Variants in VWA3B observed in about 807,000 individuals in gnomAD.
VWA3B encodes von Willebrand factor A domain-containing protein 3B.
In VWA3B, 138 loss-of-function variants were observed where a neutral mutation model predicts 158.3. The ratio of observed to expected loss-of-function variants is 0.87; its 90% CI spans 0.76 to 1.00. The LOEUF (loss-of-function observed/expected upper bound fraction) is 1.00. VWA3B is among the 50% of genes least tolerant of loss of function. The probability of loss-of-function intolerance (pLI) is 0.00; values close to 1 mark genes in which losing one functional copy is unlikely to be tolerated. For missense variants in VWA3B, 1,555 were observed against 1,565.1 expected (o/e 0.99, Z 0.11); for synonymous variants, 596 against 587.3 (o/e 1.01, Z -0.21).
rs544207961 is a variant in VWA3B at position 98,300,203 on chromosome 2, G to T, written c.3407G>T (p.Cys1136Phe). The T allele has an allele frequency of 2.5e-6, 4 of 1,614,168 alleles. No homozygotes were observed. Among genetic ancestry groups the T allele is most frequent in the African/African-American group, 2.7e-5 (2 of 75,054 alleles). ...GAAAAATTCTACACAGTTTTGAAGTGTAACAACCGGAGAGTAAGTAGATTT... is the reference window on the plus strand; with the variant it reads ...GAAAAATTCTACACAGTTTTGAAGTTTAACAACCGGAGAGTAAGTAGATTT... Reference protein sequence around the residue: ...ATEKFYTVLKCNNRREFCPRS... With the variant: ...ATEKFYTVLKFNNRREFCPRS... The change falls in exon 25 of 28, where the codon TGT becomes TTT. Residue 1136 changes from cysteine (C) to phenylalanine (F), a missense_variant. Cys to Phe is a radical substitution (Grantham distance 205). Transcript: ENST00000477737.
chr2:98,121,371 C>T lies in VWA3B; in HGVS notation c.615C>T (p.Ile205=), dbSNP rs1490175624. Residue 205 remains isoleucine (I), a synonymous_variant, in exon 5 of 28, where the codon ATC becomes ATT. Coordinates refer to ENST00000477737, the MANE Select transcript of VWA3B (RefSeq NM_144992.5). ...CCGAACAGTCCATAGCTACTGCCAT[C>T]AGTTGGGTTGAGAAACTGACGGTTG... ...PVTEQSIATA[I]SWVEKLTVEL... The T allele has an allele frequency of 6.2e-7, 1 of 1,614,216 alleles. No homozygotes were observed. Among genetic ancestry groups the T allele is most frequent in the Admixed American group, 1.7e-5 (1 of 60,032 alleles).
intron 9 of VWA3B, 31 bp downstream of exon 9, chr2:98,181,243 G>A: frequency 6.2e-7 from 1 of 1,604,602 alleles, no homozygotes; most frequent in Non-Finnish European, 8.5e-7. Context: ...GGAGGGGCTG[G>A]GGCCTCCCCT....
At chr2:98,216,914 G>T in intron 13 of VWA3B, 1 of 1,301,766 alleles carries the variant, frequency 7.7e-7, no homozygotes, top group Non-Finnish European at 1.0e-6. Flanking sequence ...CTCTGGAGCT[G>T]TTTCCTTCAT....
At chr2:98,187,673 T>TGTGC (rs1681209142) in intron 9 of VWA3B, among the ~76,000 whole-genome samples, 1 of 150,024 alleles carries the variant, frequency 6.7e-6, no homozygotes, top group Non-Finnish European at 1.5e-5. Context: ...TCTGTGTGTG[T>TGTGC]GTGTGTGTGT....
At chr2:98,192,420 G>T (rs1681670468) in intron 10 of VWA3B, 1 of 163,514 alleles carries the variant, frequency 6.1e-6, no homozygotes, top group African/African-American at 2.5e-5. Flanking sequence ...CGGGCAGAGT[G>T]GGGGTCACAA....
At chr2:98,194,233 A>G in intron 11 of VWA3B, 128 bp from the exon 12 acceptor site, 4 of 814,140 alleles carry the variant, frequency 4.9e-6, no homozygotes, top group Non-Finnish European at 7.6e-6. Context: ...TCTCTATTGA[A>G]TATAATTTTT....
At chr2:98,216,899 T>G (rs1684051938) in intron 13 of VWA3B, 1 of 1,293,924 alleles carries the variant, frequency 7.7e-7, no homozygotes. Context: ...AGCCCAAGTC[T>G]CTCGCTCTGG....
At chr2:98,123,872 C>T (rs1456346251) in intron 5 of VWA3B, among the ~76,000 whole-genome samples, 2 of 152,164 alleles carry the variant, frequency 1.3e-5, no homozygotes, top group African/African-American at 2.4e-5. Flanking sequence ...TTCTAAGCTG[C>T]CTAAGAAGAC....
At chr2:98,155,129 C>T (rs983516846) in intron 7 of VWA3B, among the ~76,000 whole-genome samples, 8 of 152,204 alleles carry the variant, frequency 5.3e-5, no homozygotes, top group African/African-American at 1.2e-4. Context: ...GGGCCATCCC[C>T]GTGGGTGACA....
intron 25 of VWA3B, 139 bp from the exon 26 acceptor site, chr2:98,303,563 T>C: frequency 1.4e-6 from 1 of 739,810 alleles, no homozygotes; most frequent in Non-Finnish European, 2.2e-6. Context: ...GGGTCTGAAT[T>C]TGAACTACTC....
At chr2:98,257,468 A>G (rs528762704) in intron 21 of VWA3B, among the ~76,000 whole-genome samples, 1 of 152,150 alleles carries the variant, frequency 6.6e-6, no homozygotes, top group African/African-American at 2.4e-5. Context: ...CTATCTTTGG[A>G]TAAATATCCA....
intron 21 of VWA3B, among the ~76,000 whole-genome samples, chr2:98,258,507 T>C (rs749519723): frequency 2.0e-5 from 3 of 151,890 alleles, no homozygotes; most frequent in Non-Finnish European, 4.4e-5. Context: ...TTCCATTTAT[T>C]TAGTGGATCT....
chr2:98,297,121 G>C (rs1041810362), intron 23 of VWA3B, among the ~76,000 whole-genome samples: 1 of 147,180 alleles, frequency 6.8e-6, no homozygotes, highest in African/African-American at 2.5e-5. Context: ...TGCTTTTGTC[G>C]CCCAGGCTGG....
chr2:98,129,625 A>G (rs921717449), intron 6 of VWA3B, among the ~76,000 whole-genome samples: 63 of 151,960 alleles, frequency 4.1e-4, no homozygotes, highest in African/African-American at 1.3e-3. Flanking sequence ...CTCCTTATCT[A>G]TTGGCCTCAC....
chr2:98,124,073 A>T (rs1244198572), intron 5 of VWA3B, among the ~76,000 whole-genome samples: 1 of 152,170 alleles, frequency 6.6e-6, no homozygotes, highest in East Asian at 1.9e-4. Context: ...TTCATAAAGA[A>T]CCTTCACTGC....
intron 12 of VWA3B, chr2:98,206,876 A>G (rs1475018857): frequency 9.9e-6 from 4 of 402,860 alleles, no homozygotes; most frequent in Non-Finnish European, 1.9e-5. Context: ...TGTAAGGGCA[A>G]TGACTTATAT....
Position 98,270,718 on chromosome 2 carries a change from CA to C in VWA3B, c.2884del (p.Thr962GlnfsTer3). On this transcript the variant is annotated frameshift_variant, in exon 22 of 28. Transcript: ENST00000477737. LOFTEE classifies it high-confidence loss of function. ...ACAAACCAATACAGTACTTGGAAAACAAAACAGTTTTAAACCAGGCTTTAGA... is the reference window on the plus strand; with the variant it reads ...ACAAACCAATACAGTACTTGGAAAACAAACAGTTTTAAACCAGGCTTTAGA... The part of the protein sequence containing the change: ...ANKPIQYLEN[K>X]TVLNQALERL... 1 of 1,614,076 alleles carries C rather than the reference CA, an allele frequency of 6.2e-7. No homozygotes were observed.
chr2:98,155,593 A>ATAGTGGATACCTGGTG (rs1478003800), intron 7 of VWA3B, among the ~76,000 whole-genome samples: 5 of 152,228 alleles, frequency 3.3e-5, no homozygotes, highest in African/African-American at 1.2e-4. Flanking sequence ...TTAAGTTCCC[A>ATAGTGGATACCTGGTG]GCACGGTGGC....
chr2:98,327,715 C>T, the VWA3B span, among the ~76,000 whole-genome samples: 1 of 152,178 alleles, frequency 6.6e-6, no homozygotes, highest in Non-Finnish European at 1.5e-5. Flanking sequence ...GTGTGTTGGT[C>T]TCTAGGTTGT....
Sources: gnomAD v4.1 joint callset for allele counts (sites outside exome capture counted in the v4.1 genomes callset) on GRCh38, gnomAD v4.1.1 for gene constraint, MANE v1.5 for transcripts, NCBI Gene and HGNC (gene_info 2026-07-23, HGNC 2026-07-21) for gene names.